Variants in CYTH1 observed in about 807,000 individuals in gnomAD.
The protein encoded by CYTH1 is cytohesin-1.
Under a neutral mutation model 61.8 loss-of-function variants are expected in CYTH1, and 18 were observed. The ratio of observed to expected loss-of-function variants is 0.29; its 90% CI spans 0.20 to 0.43. The LOEUF (loss-of-function observed/expected upper bound fraction) is 0.43. Ranked by LOEUF, CYTH1 falls within the 20% of genes least tolerant of loss-of-function variation. The pLI is 1.00. For missense variants in CYTH1, 336 were observed against 510.5 expected (o/e 0.66, Z 3.29); for synonymous variants, 174 against 184.3 (o/e 0.94, Z 0.45).
intron 1 of CYTH1, among the ~76,000 whole-genome samples, chr17:78,757,267 C>T (rs981390881): frequency 2.6e-5 from 4 of 152,004 alleles, no homozygotes; most frequent in African/African-American, 9.7e-5. Context: ...GAATTTTCAA[C>T]ATAACTTAAG....
At chr17:78,735,394 T>C (rs1329787268) in intron 1 of CYTH1, among the ~76,000 whole-genome samples, 1 of 152,230 alleles carries the variant, frequency 6.6e-6, no homozygotes, top group African/African-American at 2.4e-5. Flanking sequence ...TAGTCACTAG[T>C]GTCCTCTTCC....
At chr17:78,759,084 C>G (rs942304091) in intron 1 of CYTH1, among the ~76,000 whole-genome samples, 3 of 152,168 alleles carry the variant, frequency 2.0e-5, no homozygotes, top group African/African-American at 7.2e-5. Context: ...GCCTGGTCAA[C>G]AGAGTGAGAT....
intron 1 of CYTH1, among the ~76,000 whole-genome samples, chr17:78,770,529 C>T (rs911845793): frequency 1.2e-4 from 18 of 151,948 alleles, no homozygotes; most frequent in Non-Finnish European, 2.4e-4. Flanking sequence ...AGCGATTCTC[C>T]TTGTTCAGCC....
chr17:78,686,506 C>T (rs2092817923), intron 11 of CYTH1, among the ~76,000 whole-genome samples: 1 of 152,076 alleles, frequency 6.6e-6, no homozygotes, highest in Admixed American at 6.6e-5. Flanking sequence ...TGGTGGGCGG[C>T]CAGGTGTTCT....
At chr17:78,735,345 G>A (rs549389893) in intron 1 of CYTH1, among the ~76,000 whole-genome samples, 1 of 152,286 alleles carries the variant, frequency 6.6e-6, no homozygotes, top group East Asian at 1.9e-4. Context: ...AAGCGTGAGG[G>A]ACCATGGCCA....
chr17:78,739,981 G>A (rs1352780279), intron 1 of CYTH1, among the ~76,000 whole-genome samples: 5 of 152,112 alleles, frequency 3.3e-5, no homozygotes, highest in African/African-American at 1.2e-4. Context: ...TGTTGCCCAG[G>A]CTGAAGCGCA....
rs1312504437 is a variant in CYTH1, at chr17:78,698,864, G to A, written c.655C>T (p.Arg219Ter). ...PTVERFIAMNRGINDGGDLPE... is the reference protein window; with the variant it reads ...PTVERFIAMN ...AGGTCTCCCCCATCATTGATGCCTC[G>A]GTTCATGGCAATGAACCTCTCCACA... The change falls in exon 8 of 14, where the codon CGA becomes TGA. Residue 219 changes from arginine (R) to a stop codon, truncating the protein, a stop_gained. Coordinates refer to ENST00000446868, the MANE Select transcript of CYTH1 (RefSeq NM_004762.6). LOFTEE classifies it high-confidence loss of function. 6.2e-7 allele frequency: 1 copy of A among 1,600,128 alleles called. No individual in the cohort carries two copies. The highest frequency in any genetic ancestry group is 8.5e-7 in the Non-Finnish European group (1 of 1,175,982).
At chr17:78,676,393 G>C in intron 13 of CYTH1, 1 of 557,786 alleles carries the variant, frequency 1.8e-6, no homozygotes, top group South Asian at 2.3e-5. Flanking sequence ...AGAAAATTTT[G>C]GGGTTTTTAC....
intron 1 of CYTH1, among the ~76,000 whole-genome samples, chr17:78,728,801 G>A (rs1342122191): frequency 2.0e-5 from 3 of 151,998 alleles, no homozygotes; most frequent in East Asian, 1.9e-4. Flanking sequence ...ACTTTGAATC[G>A]GTAAAGAAAA....
rs1475485775 is a variant in CYTH1, at chr17:78,760,424, T to C, written c.22+21778A>G. 5.4e-3 allele frequency among the ~76,000 whole-genome samples: 367 copies of C among 68,472 alleles called. 34 individuals are homozygous for C. Among genetic ancestry groups the C allele is most frequent in the African/African-American group, 0.016 (266 of 16,834 alleles). 44.9% of individuals were successfully genotyped at this position (68,472 alleles called of 152,430 possible). A position where few individuals can be genotyped will look rare whatever the true frequency, so the allele number is the denominator to read the frequency against. On this transcript the variant is annotated intron_variant, in intron 1 of 13. Transcript: ENST00000446868. ...ATATATATGTGTATATATATATATA[T>C]ACACATACATATATATATGTATATA...
chr17:78,680,484 A>G, intron 12 of CYTH1, 140 bp from the exon 13 acceptor site: 1 of 1,024,874 alleles, frequency 9.8e-7, no homozygotes, highest in Non-Finnish European at 1.4e-6. Context: ...GGAAAAGTGA[A>G]GCCTAGAAGC....
chr17:78,677,101 G>A (rs2092708314), intron 13 of CYTH1: 7 of 455,612 alleles, frequency 1.5e-5, no homozygotes, highest in Admixed American at 7.1e-5. Context: ...GCAGCTCCCC[G>A]GGGAATGCTA....
At chr17:78,734,498 TG>T (rs1248405645) in intron 1 of CYTH1, among the ~76,000 whole-genome samples, 1 of 141,402 alleles carries the variant, frequency 7.1e-6, no homozygotes, top group Non-Finnish European at 1.5e-5. Flanking sequence ...TGGAGTGCAG[TG>T]GTACGATTTC....
chr17:78,752,649 G>A (rs1455208112), intron 1 of CYTH1, among the ~76,000 whole-genome samples: 3 of 151,974 alleles, frequency 2.0e-5, no homozygotes, highest in Non-Finnish European at 4.4e-5. Context: ...CAGGCTGGCC[G>A]CAAACTCCTG....
At chr17:78,715,064 A>C (rs1477422338) in intron 1 of CYTH1, among the ~76,000 whole-genome samples, 1 of 152,148 alleles carries the variant, frequency 6.6e-6, no homozygotes, top group Admixed American at 6.5e-5. Flanking sequence ...AAATATAAGC[A>C]AAAAAATAAA....
chr17:78,704,943 C>T (rs994653988), intron 3 of CYTH1, among the ~76,000 whole-genome samples: 1 of 152,146 alleles, frequency 6.6e-6, no homozygotes, highest in African/African-American at 2.4e-5. Flanking sequence ...GGGGGAAACA[C>T]CATTTAATTT....
intron 1 of CYTH1, among the ~76,000 whole-genome samples, chr17:78,725,836 A>G (rs973672797): frequency 2.6e-5 from 4 of 152,204 alleles, no homozygotes; most frequent in Non-Finnish European, 5.9e-5. Flanking sequence ...GTTACAAGAA[A>G]AGCTGCAACC....
chr17:78,683,973 T>C (rs1020707970), intron 11 of CYTH1, among the ~76,000 whole-genome samples: 1 of 152,260 alleles, frequency 6.6e-6, no homozygotes, highest in Admixed American at 6.5e-5. Context: ...ACATAATGTA[T>C]ACTCTTTGAC....
At chr17:78,715,610 C>T (rs576074168) in intron 1 of CYTH1, among the ~76,000 whole-genome samples, 1 of 152,306 alleles carries the variant, frequency 6.6e-6, no homozygotes, top group Non-Finnish European at 1.5e-5. Context: ...CAACAGGCAT[C>T]ATTCGGTTTC....
Sources: gnomAD v4.1 joint callset for allele counts (sites outside exome capture counted in the v4.1 genomes callset) on GRCh38, gnomAD v4.1.1 for gene constraint, MANE v1.5 for transcripts, NCBI Gene and HGNC (gene_info 2026-07-23, HGNC 2026-07-21) for gene names.